DIPK1A: variants seen among roughly 807,000 people sequenced by gnomAD.
DIPK1A encodes family with sequence similarity 69 member A.
DIPK1A carries 27 observed loss-of-function variants against 40.8 expected under a neutral mutation model. The ratio of observed to expected loss-of-function variants is 0.66; its 90% CI spans 0.49 to 0.91. The LOEUF (loss-of-function observed/expected upper bound fraction) is 0.91. Ranked by LOEUF, DIPK1A falls within the 40% of genes least tolerant of loss-of-function variation. DIPK1A has a pLI of 0.00. For synonymous variants in DIPK1A, 166 were observed against 171.3 expected (o/e 0.97, Z 0.24); for missense variants, 412 against 505.7 (o/e 0.81, Z 1.78).
chr1:92,925,688 G>A (rs190378573), intron 1 of DIPK1A, among the ~76,000 whole-genome samples: 2 of 152,018 alleles, frequency 1.3e-5, no homozygotes, highest in African/African-American at 2.4e-5. Context: ...GAGATGGGGG[G>A]TTTCACCATG....
At chr1:92,915,509 A>G (rs1300725481) in intron 1 of DIPK1A, among the ~76,000 whole-genome samples, 1 of 152,200 alleles carries the variant, frequency 6.6e-6, no homozygotes, top group Non-Finnish European at 1.5e-5. Context: ...CATACAGTTA[A>G]TGTATCTCAG....
At chr1:92,856,591 A>AT (rs1255516190) in intron 2 of DIPK1A, among the ~76,000 whole-genome samples, 1 of 151,916 alleles carries the variant, frequency 6.6e-6, no homozygotes, top group African/African-American at 2.4e-5. Context: ...GTAATTTTGT[A>AT]TTTTTAGTAG....
chr1:92,838,751 A>T (rs1687220667), downstream of DIPK1A, among the ~76,000 whole-genome samples: 1 of 152,208 alleles, frequency 6.6e-6, no homozygotes, highest in Non-Finnish European at 1.5e-5. Context: ...GATTTGTTGA[A>T]TGACTATATA....
At chr1:92,851,563 C>T (rs1463622435) in intron 2 of DIPK1A, among the ~76,000 whole-genome samples, 1 of 34,148 alleles carries the variant, frequency 2.9e-5, no homozygotes, top group East Asian at 1.9e-3. Context: ...AAAAAAAAAA[C>T]TTCTGGTTTT....
At chr1:92,931,322 T>C (rs531186505) in intron 1 of DIPK1A, 6 of 220,598 alleles carry the variant, frequency 2.7e-5, no homozygotes, top group East Asian at 1.1e-4. Flanking sequence ...GACCCCATCA[T>C]TGGAAGGCCT....
intron 3 of DIPK1A, among the ~76,000 whole-genome samples, chr1:92,849,354 T>TG (rs1405800348): frequency 2.1e-4 from 32 of 150,522 alleles, no homozygotes; most frequent in Middle Eastern, 3.4e-3. Flanking sequence ...TTTTGTTTTT[T>TG]TTTTTTTTTT....
chr1:92,921,544 G>A (rs948292107), intron 1 of DIPK1A, among the ~76,000 whole-genome samples: 3 of 152,208 alleles, frequency 2.0e-5, no homozygotes, highest in Non-Finnish European at 4.4e-5. Flanking sequence ...AAGTGCTTTT[G>A]AGGACAGGAG....
intron 4 of DIPK1A, chr1:92,833,996 T>A: frequency 3.0e-6 from 1 of 332,008 alleles, no homozygotes; most frequent in Non-Finnish European, 5.8e-6. Context: ...TAGTCCCAGC[T>A]ACTCAGTGGG....
chr1:92,930,053 T>C (rs529303439), intron 1 of DIPK1A, among the ~76,000 whole-genome samples: 1 of 152,368 alleles, frequency 6.6e-6, no homozygotes, highest in South Asian at 2.1e-4. Flanking sequence ...CTGACTGGCT[T>C]AGGCTTGGGT....
At chr1:92,896,314 C>G (rs1268553034) in intron 1 of DIPK1A, among the ~76,000 whole-genome samples, 1 of 152,120 alleles carries the variant, frequency 6.6e-6, no homozygotes, top group Non-Finnish European at 1.5e-5. Context: ...GAGATGTAGA[C>G]CAATGGAACA....
chr1:92,899,574 GCTT>G (rs1649325317), intron 1 of DIPK1A, among the ~76,000 whole-genome samples: 1 of 152,020 alleles, frequency 6.6e-6, no homozygotes, highest in Admixed American at 6.6e-5. Context: ...GGGAAAACTC[GCTT>G]CTTCATTTTA....
intron 4 of DIPK1A, 30 bp from the exon 5 acceptor site, chr1:92,844,225 G>A: frequency 7.0e-7 from 1 of 1,424,946 alleles, no homozygotes; most frequent in Non-Finnish European, 9.6e-7. Flanking sequence ...TTACACAGAA[G>A]GAATGAAAAA....
chr1:92,844,119 C>T lies in DIPK1A; in HGVS notation c.551G>A (p.Gly184Asp), dbSNP rs1687495932. ...ILTVADGDKD[G>D]QVSLGEAKSA... Reference sequence around the variant, plus strand: ...CTTTGCTTCTCCCAAGGAAACCTGGCCATCTTTGTCTCCATCAGCCACCGT... The same window carrying T: ...CTTTGCTTCTCCCAAGGAAACCTGGTCATCTTTGTCTCCATCAGCCACCGT... Residue 184 changes from glycine (G) to aspartate (D), a missense_variant, in exon 5 of 5, where the codon GGC becomes GAC. Transcript: ENST00000370310. 2 of 1,551,624 alleles carry T rather than the reference C, an allele frequency of 1.3e-6. No individual in the cohort carries two copies.
At chr1:92,839,236 G>A (rs1361388100), downstream of DIPK1A, among the ~76,000 whole-genome samples, 3 of 152,232 alleles carry the variant, frequency 2.0e-5, no homozygotes, top group East Asian at 1.9e-4. Context: ...GCTCACTCCT[G>A]TAATCCCAGC....
intron 1 of DIPK1A, chr1:92,931,713 C>CTT (rs1650756416): frequency 6.1e-6 from 1 of 164,256 alleles, no homozygotes; most frequent in Admixed American, 6.5e-5. Context: ...TATTATCAGT[C>CTT]TTTTCCAAGT....
At position 92,934,909 on chromosome 1, in the gene DIPK1A, G is replaced by A. The variant is rs763938401; in HGVS notation, c.54+26467C>T. The stretch of plus-strand genomic sequence containing the variant: ...GGAGATTGATTGCTGGCTGGCTGGC[G>A]GGCCTGTGGTTACTTACTAGCGTCA... On this transcript the variant is annotated intron_variant, in intron 1 of 4. Coordinates refer to ENST00000370310, the MANE Select transcript of DIPK1A (RefSeq NM_001006605.5). 1.8e-4 allele frequency among the ~76,000 whole-genome samples: 27 copies of A among 152,222 alleles called. No individual in the cohort carries two copies. In the Middle Eastern group the frequency reaches 0.01, roughly 58 times the overall value.
Position 92,834,883 on chromosome 1 carries a change from A to G in DIPK1A, c.475-1849T>C, listed in dbSNP as rs1210827292. 11 of 1,603,584 alleles carry G rather than the reference A, an allele frequency of 6.9e-6. No individual in the cohort carries two copies. Among genetic ancestry groups the G allele is most frequent in the East Asian group, 6.7e-5 (3 of 44,894 alleles). ...TTGGCCTGACAAATTATGCTGCAGCATATTGTACTGGCCTGCTGCTGGCCC... is the reference window on the plus strand; with the variant it reads ...TTGGCCTGACAAATTATGCTGCAGCGTATTGTACTGGCCTGCTGCTGGCCC... On this transcript the variant is annotated intron_variant, in intron 4 of 4. Coordinates refer to the DIPK1A transcript ENST00000615519.
At chr1:92,880,086 A>G (rs1278517078) in intron 1 of DIPK1A, among the ~76,000 whole-genome samples, 3 of 152,228 alleles carry the variant, frequency 2.0e-5, no homozygotes, top group Non-Finnish European at 1.5e-5. Context: ...GGAGGCTGCT[A>G]CTGAAATCTT....
At chr1:92,835,926 T>C (rs879411895) in intron 4 of DIPK1A, among the ~76,000 whole-genome samples, 12 of 152,208 alleles carry the variant, frequency 7.9e-5, no homozygotes, top group Non-Finnish European at 1.6e-4. Context: ...TTCTCATTGA[T>C]TGCTGCATAA....
Sources: gnomAD v4.1 joint callset for allele counts (sites outside exome capture counted in the v4.1 genomes callset) on GRCh38, gnomAD v4.1.1 for gene constraint, MANE v1.5 for transcripts, NCBI Gene and HGNC (gene_info 2026-07-23, HGNC 2026-07-21) for gene names.